DOCK1: variants seen among roughly 807,000 people sequenced by gnomAD.
DOCK1 encodes dedicator of cytokinesis 1.
In DOCK1, 138 loss-of-function variants were observed where a neutral mutation model predicts 262.7. The observed-to-expected ratio is 0.53, with a 90% CI of 0.46 to 0.61. The LOEUF is 0.61. Among genes scored for constraint, DOCK1 ranks in the 20% least tolerant of loss-of-function variants. The pLI, the probability that DOCK1 is intolerant of heterozygous loss-of-function variation, is 0.00. For synonymous variants in DOCK1, 866 were observed against 867.4 expected (o/e 1.00, Z 0.03); for missense variants, 1,908 against 2,370.7 (o/e 0.80, Z 4.05).
intron 4 of DOCK1, among the ~76,000 whole-genome samples, chr10:126,985,598 T>G (rs1029340003): frequency 2.0e-5 from 3 of 152,094 alleles, no homozygotes; most frequent in African/African-American, 7.2e-5. Context: ...ATAGCCAGTG[T>G]GAGGAGCACC....
At chr10:127,394,864 G>A (rs560371743) in intron 38 of DOCK1, among the ~76,000 whole-genome samples, 1 of 152,258 alleles carries the variant, frequency 6.6e-6, no homozygotes, top group South Asian at 2.1e-4. Flanking sequence ...GCTCTCATAT[G>A]AGCAGATAAA....
At chr10:127,259,391 C>A (rs1008438934) in intron 29 of DOCK1, among the ~76,000 whole-genome samples, 3 of 152,210 alleles carry the variant, frequency 2.0e-5, no homozygotes, top group Admixed American at 6.5e-5. Context: ...AGCTCTAGAG[C>A]GTTGTGTCTT....
rs568784495 is a variant in DOCK1 at position 127,012,944 on chromosome 10, C to T, written c.1201+570C>T. On this transcript the variant is annotated intron_variant, in intron 12 of 51. Transcript: ENST00000623213. This position sits in a 1 kb window ranked among gnomAD's most constrained non-coding sequence, Gnocchi z 4.0. ...CAGGAAACAACTGTGACTGAGGCCC[C>T]GCCTCCAGCCCAAGGGGAAGTCACC... Among the ~76,000 whole-genome samples, 6 of 152,272 alleles carry T rather than the reference C, an allele frequency of 3.9e-5. No homozygotes were observed. The highest frequency in any genetic ancestry group is 2.1e-4 in the South Asian group (1 of 4,824).
chr10:127,248,768 G>C (rs754616288), intron 28 of DOCK1, among the ~76,000 whole-genome samples: 7 of 152,164 alleles, frequency 4.6e-5, no homozygotes, highest in Non-Finnish European at 7.3e-5. Context: ...CATTTCTAAG[G>C]ATCTGTAAGG....
At chr10:127,092,324 G>A (rs933808046) in intron 23 of DOCK1, among the ~76,000 whole-genome samples, 9 of 152,142 alleles carry the variant, frequency 5.9e-5, no homozygotes, top group African/African-American at 9.7e-5. Context: ...CTCTGTCATC[G>A]CTCAGCAAGG....
At chr10:126,951,641 T>G (rs2036257712) in intron 1 of DOCK1, among the ~76,000 whole-genome samples, 2 of 151,820 alleles carry the variant, frequency 1.3e-5, no homozygotes, top group African/African-American at 2.4e-5. Flanking sequence ...GTAGTATTGT[T>G]GTTTGTAGTA....
At chr10:127,163,417 T>C (rs2053767243) in intron 27 of DOCK1, among the ~76,000 whole-genome samples, 1 of 152,096 alleles carries the variant, frequency 6.6e-6, no homozygotes, top group Non-Finnish European at 1.5e-5. Context: ...GTCAACACAA[T>C]GTGGGCAGAG....
intron 29 of DOCK1, among the ~76,000 whole-genome samples, chr10:127,320,417 A>C (rs1590427654): frequency 6.6e-6 from 1 of 152,210 alleles, no homozygotes; most frequent in South Asian, 2.1e-4. Flanking sequence ...TGAGATGCCC[A>C]GGGCTCCCTT....
intron 1 of DOCK1, among the ~76,000 whole-genome samples, chr10:126,960,723 A>AATATATATATAT (rs1159655828): frequency 4.5e-5 from 6 of 134,656 alleles, no homozygotes; most frequent in African/African-American, 1.7e-4. Flanking sequence ...CCTACCCTCA[A>AATATATATATAT]ATATATATAT....
chr10:127,059,321 G>T (rs2045381213), intron 22 of DOCK1, among the ~76,000 whole-genome samples: 1 of 152,096 alleles, frequency 6.6e-6, no homozygotes, highest in South Asian at 2.1e-4. Context: ...TTGAATTTCT[G>T]AATTTTTTGA....
In DOCK1 at chr10:126,998,732, T is replaced by C. The variant is rs78820798; in HGVS notation, c.767+483T>C. ...CACATACAGACTGTCAGTTAATATT[T>C]GTTAAATGAAAACACTGTAAGTCTA... On this transcript the variant is annotated intron_variant, in intron 8 of 51. Coordinates refer to ENST00000623213, the MANE Select transcript of DOCK1 (RefSeq NM_001290223.2). 58 of 158,896 alleles carry C rather than the reference T, an allele frequency of 3.7e-4. 2 individuals carry two copies. In the East Asian group the frequency reaches 9.4e-3, roughly 26 times the overall value. The allele number at this position is 158,896 out of a possible 1,614,324, so 9.8% of individuals were successfully genotyped here. A position where few individuals can be genotyped will look rare whatever the true frequency, so the allele number is the denominator to read the frequency against.
intron 33 of DOCK1, among the ~76,000 whole-genome samples, chr10:127,362,885 C>G (rs56082053): frequency 9.1e-5 from 1 of 10,980 alleles, no homozygotes; most frequent in Admixed American, 8.2e-4. Context: ...ATACACATCC[C>G]CACACACACA....
At chr10:127,194,259 C>T (rs541628074) in intron 27 of DOCK1, among the ~76,000 whole-genome samples, 3 of 152,274 alleles carry the variant, frequency 2.0e-5, no homozygotes, top group South Asian at 2.1e-4. Context: ...TAACCAAATG[C>T]GCCTCTAATA....
At chr10:127,129,063 C>T (rs984552074) in intron 27 of DOCK1, among the ~76,000 whole-genome samples, 5 of 152,080 alleles carry the variant, frequency 3.3e-5, no homozygotes, top group Admixed American at 1.3e-4. Flanking sequence ...TGATGTGCGT[C>T]TTCTTGGACA....
intron 27 of DOCK1, among the ~76,000 whole-genome samples, chr10:127,223,149 C>A (rs971716765): frequency 4.6e-5 from 7 of 152,138 alleles, no homozygotes; most frequent in Non-Finnish European, 8.8e-5. Context: ...CTGAAAATCT[C>A]TTTGAATTTA....
chr10:127,204,129 C>CCTT (rs535815862), intron 27 of DOCK1, among the ~76,000 whole-genome samples: 61 of 151,928 alleles, frequency 4.0e-4, no homozygotes, highest in Non-Finnish European at 8.1e-4. Flanking sequence ...ATCTCCTAGG[C>CCTT]CTTCCTAGAT....
At chr10:127,385,043 T>C in intron 38 of DOCK1, 134 bp downstream of exon 38, 1 of 1,155,870 alleles carries the variant, frequency 8.7e-7, no homozygotes, top group Non-Finnish European at 1.1e-6. Context: ...AAATGTTTTA[T>C]GCATGTTCCT....
chr10:127,411,746 G>C lies in DOCK1; in HGVS notation c.4428+822G>C, dbSNP rs371955696. 5.3e-5 allele frequency among the ~76,000 whole-genome samples: 8 copies of C among 152,032 alleles called. No homozygotes were observed. In the East Asian group the frequency reaches 5.9e-4, roughly 11 times the overall value. ...TCCCAGCTATTTGGGAGGCTGAGGC[G>C]GGAGAATCGCTTGAACCCAGGAGGC... On this transcript the variant is annotated intron_variant, in intron 43 of 51. Transcript: ENST00000623213.
intron 28 of DOCK1, among the ~76,000 whole-genome samples, chr10:127,255,035 C>T (rs1335762267): frequency 3.3e-5 from 5 of 152,154 alleles, no homozygotes; most frequent in African/African-American, 4.8e-5. Context: ...CACGATTTTG[C>T]CTCTGAAGCA....
Sources: allele counts gnomAD v4.1 joint callset (sites outside exome capture counted in the v4.1 genomes callset), GRCh38; gene constraint gnomAD v4.1.1; non-coding constraint Gnocchi (gnomAD v3.1); transcripts MANE v1.5; gene names NCBI Gene and HGNC (gene_info 2026-07-23, HGNC 2026-07-21).